The following KCNJ4 variants were observed in gnomAD, a reference collection of about 807,000 sequenced individuals.
KCNJ4 encodes potassium inwardly rectifying channel subfamily J member 4.
KCNJ4 carries 3 observed loss-of-function variants against 25.6 expected under a neutral mutation model. The observed-to-expected ratio is 0.12, with a 90% CI of 0.05 to 0.30. The LOEUF is 0.30. Ranked by LOEUF, KCNJ4 falls within the 10% of genes least tolerant of loss-of-function variation. KCNJ4 has a pLI of 1.00. For synonymous variants in KCNJ4, 257 were observed against 283.9 expected, an observed-to-expected ratio of 0.91 and a Z score of 0.95; for missense variants, 286 against 666.8, an observed-to-expected ratio of 0.43 and a Z score of 6.29.
intron 1 of KCNJ4, among the ~76,000 whole-genome samples, chr22:38,446,076 T>TAACA (rs904228729): frequency 6.6e-6 from 1 of 152,216 alleles, no homozygotes; most frequent in African/African-American, 2.4e-5. Flanking sequence ...CCTGCCCTGA[T>TAACA]AACAGATGCC....
chr22:38,452,010 ACTC>A (rs1413603919), intron 1 of KCNJ4, among the ~76,000 whole-genome samples: 1 of 151,268 alleles, frequency 6.6e-6, no homozygotes, highest in Non-Finnish European at 1.5e-5. Context: ...CCTTATCTCT[ACTC>A]CTGTCTCCTG....
chr22:38,447,960 A>T lies in KCNJ4; in HGVS notation c.-40+7020T>A, dbSNP rs533625142. On this transcript the variant is annotated intron_variant, in intron 1 of 1. Coordinates refer to ENST00000303592, the MANE Select transcript of KCNJ4 (RefSeq NM_152868.3). ...ACGCCTGTAGTCCCAGCTACTCGGGAGGCTGAGGCGGAAGAATCACTTGAA... is the reference window on the plus strand; with the variant it reads ...ACGCCTGTAGTCCCAGCTACTCGGGTGGCTGAGGCGGAAGAATCACTTGAA... Among the ~76,000 whole-genome samples, 24 of 150,514 alleles carry T rather than the reference A, an allele frequency of 1.6e-4. No individual in the cohort carries two copies. The South Asian group carries it at 4.9e-3, about 31-fold the overall frequency.
At chr22:38,445,624 G>A (rs1041481730) in intron 1 of KCNJ4, among the ~76,000 whole-genome samples, 7 of 152,268 alleles carry the variant, frequency 4.6e-5, no homozygotes, top group South Asian at 2.1e-4. Context: ...GATTACAGGC[G>A]TGAGCCACTG....
chr22:38,432,785 A>G (rs2145934865), intron 1 of KCNJ4, among the ~76,000 whole-genome samples: 1 of 152,086 alleles, frequency 6.6e-6, no homozygotes, highest in South Asian at 2.1e-4. Context: ...CCTGAGCAAC[A>G]TGGCAAAACC....
intron 1 of KCNJ4, among the ~76,000 whole-genome samples, chr22:38,430,555 C>T (rs1166411121): frequency 6.6e-6 from 1 of 152,112 alleles, no homozygotes; most frequent in Non-Finnish European, 1.5e-5. Context: ...TGCTGGAGAC[C>T]CGACAGGTCA....
chr22:38,430,656 G>A (rs1344700880), intron 1 of KCNJ4, among the ~76,000 whole-genome samples: 1 of 152,160 alleles, frequency 6.6e-6, no homozygotes, highest in Non-Finnish European at 1.5e-5. Flanking sequence ...CAGCAGCCAG[G>A]GCTCCAGGAG....
intron 1 of KCNJ4, among the ~76,000 whole-genome samples, chr22:38,448,982 C>T (rs541754513): frequency 6.9e-6 from 1 of 144,256 alleles, no homozygotes; most frequent in South Asian, 2.2e-4. Flanking sequence ...TCTCCCTCCA[C>T]AGCTCCTGCT....
intron 1 of KCNJ4, among the ~76,000 whole-genome samples, chr22:38,450,452 G>A (rs374067224): frequency 6.6e-6 from 1 of 152,142 alleles, no homozygotes; most frequent in South Asian, 2.1e-4. Flanking sequence ...TCTCCTGCCA[G>A]CCAGGTCCCA....
chr22:38,430,297 G>C (rs2093045738), intron 1 of KCNJ4, among the ~76,000 whole-genome samples: 1 of 152,234 alleles, frequency 6.6e-6, no homozygotes, highest in African/African-American at 2.4e-5. Flanking sequence ...GAGGTTGGGA[G>C]TTTGAGACCA....
Position 38,443,628 on chromosome 22 carries a change from C to T in KCNJ4, c.-40+11352G>A, listed in dbSNP as rs531164537. ...CACTGAGGGCCATGCACTGACTGGT[C>T]CACACCTGCAAGGCAGGTGCTGTCA... is the stretch of plus-strand genomic sequence containing the variant. On this transcript the variant is annotated intron_variant, in intron 1 of 1. Transcript: ENST00000303592. The surrounding 1 kb of genome is among the most constrained non-coding windows in gnomAD (Gnocchi z 4.1). Among the ~76,000 whole-genome samples the T allele has an allele frequency of 6.6e-6, 1 of 152,346 alleles. No individual in the cohort carries two copies. Among genetic ancestry groups the T allele is most frequent in the South Asian group, 2.1e-4 (1 of 4,832 alleles).
chr22:38,429,365 C>T (rs2145931749), intron 1 of KCNJ4, among the ~76,000 whole-genome samples: 1 of 152,300 alleles, frequency 6.6e-6, no homozygotes, highest in Admixed American at 6.5e-5. Context: ...ACCTGCCAGC[C>T]ACAAAGCTGG....
chr22:38,438,727 G>T (rs1368506033), intron 1 of KCNJ4, among the ~76,000 whole-genome samples: 1 of 141,052 alleles, frequency 7.1e-6, no homozygotes, highest in East Asian at 2.2e-4. Flanking sequence ...AAGAAAGAAA[G>T]AATACTCCAA....
intron 1 of KCNJ4, among the ~76,000 whole-genome samples, chr22:38,430,165 T>C (rs1381005170): frequency 6.6e-6 from 1 of 152,214 alleles, no homozygotes; most frequent in African/African-American, 2.4e-5. Context: ...ACTGTGTGAC[T>C]TGGGCGAGCT....
intron 1 of KCNJ4, among the ~76,000 whole-genome samples, chr22:38,444,166 C>G (rs1454829007): frequency 6.6e-6 from 1 of 152,156 alleles, no homozygotes; most frequent in Non-Finnish European, 1.5e-5. Flanking sequence ...TCAAACCAGT[C>G]TCATCTGCAA....
At chr22:38,445,120 A>G (rs1015673844) in intron 1 of KCNJ4, among the ~76,000 whole-genome samples, 1 of 151,984 alleles carries the variant, frequency 6.6e-6, no homozygotes, top group Admixed American at 6.6e-5. Context: ...TAGGAAGATG[A>G]GGGCAAGCAG....
intron 1 of KCNJ4, among the ~76,000 whole-genome samples, chr22:38,441,723 A>G (rs2145942803): frequency 6.6e-6 from 1 of 152,286 alleles, no homozygotes; most frequent in African/African-American, 2.4e-5. Flanking sequence ...TATCCAGTGG[A>G]GGCCACTGGG....
At chr22:38,432,178 C>T (rs1432287277) in intron 1 of KCNJ4, among the ~76,000 whole-genome samples, 1 of 151,440 alleles carries the variant, frequency 6.6e-6, no homozygotes, top group East Asian at 1.9e-4. Context: ...ATTGCTTGAA[C>T]CTGGGAGGCA....
chr22:38,432,280 T>TAAAATA (rs1555917615), intron 1 of KCNJ4, among the ~76,000 whole-genome samples: 11 of 147,172 alleles, frequency 7.5e-5, no homozygotes, highest in African/African-American at 2.6e-4. Context: ...AATAAATAAA[T>TAAAATA]AAATAAAATA....
chr22:38,437,109 G>A (rs1569121116), intron 1 of KCNJ4, among the ~76,000 whole-genome samples: 1 of 152,220 alleles, frequency 6.6e-6, no homozygotes, highest in Non-Finnish European at 1.5e-5. Flanking sequence ...GGGGCTTGGA[G>A]CAGCAAGGGG....
Sources: allele counts gnomAD v4.1 joint callset (sites outside exome capture counted in the v4.1 genomes callset), GRCh38; gene constraint gnomAD v4.1.1; non-coding constraint Gnocchi (gnomAD v3.1); transcripts MANE v1.5; gene names NCBI Gene and HGNC (gene_info 2026-07-23, HGNC 2026-07-21).